SLC1A2: variants seen among roughly 807,000 people sequenced by gnomAD.
SLC1A2 encodes the protein excitatory amino acid transporter 2.
Under a neutral mutation model 48.8 loss-of-function variants are expected in SLC1A2, and 15 were observed. The ratio of observed to expected loss-of-function variants is 0.31; its 90% confidence interval spans 0.21 to 0.47. SLC1A2 has a LOEUF of 0.47. Among genes scored for constraint, SLC1A2 ranks in the 20% least tolerant of loss-of-function variants. SLC1A2 has a pLI of 0.99. For synonymous variants in SLC1A2, 279 were observed against 272.6 expected (o/e 1.02, Z -0.23); for missense variants, 502 against 730.5 (o/e 0.69, Z 3.61).
chr11:35,351,500 A>G (rs1310685123), intron 1 of SLC1A2, among the ~76,000 whole-genome samples: 2 of 152,224 alleles, frequency 1.3e-5, no homozygotes, highest in Non-Finnish European at 2.9e-5. Flanking sequence ...TATAAGCTAA[A>G]AACAGTCTGG....
intron 1 of SLC1A2, among the ~76,000 whole-genome samples, chr11:35,399,292 C>T (rs576737855): frequency 1.8e-4 from 27 of 152,228 alleles, no homozygotes; most frequent in African/African-American, 5.8e-4. Flanking sequence ...CCTGCAACTG[C>T]CTCCTAAGGC....
intron 1 of SLC1A2, among the ~76,000 whole-genome samples, chr11:35,325,979 A>AC (rs1447502315): frequency 8.5e-6 from 1 of 117,924 alleles, no homozygotes; most frequent in Non-Finnish European, 1.7e-5. Context: ...AAAAAAAAAA[A>AC]AAAAAAGGAG....
chr11:35,281,115 C>A, intron 8 of SLC1A2, 114 bp from the exon 9 acceptor site: 1 of 1,373,802 alleles, frequency 7.3e-7, no homozygotes. Context: ...CCCCAACCCC[C>A]ACCCCATACT....
At chr11:35,377,075 C>G (rs1336237149) in intron 1 of SLC1A2, among the ~76,000 whole-genome samples, 7 of 152,218 alleles carry the variant, frequency 4.6e-5, no homozygotes, top group Admixed American at 3.3e-4. Flanking sequence ...GTATGTCCCC[C>G]CTTCCAATGT....
At chr11:35,407,341 A>G (rs762681642) in intron 1 of SLC1A2, among the ~76,000 whole-genome samples, 1 of 152,172 alleles carries the variant, frequency 6.6e-6, no homozygotes, top group Non-Finnish European at 1.5e-5. Flanking sequence ...AAAGTGAGCA[A>G]TGAATTAGCC....
chr11:35,361,576 A>G (rs1853681750), intron 1 of SLC1A2, among the ~76,000 whole-genome samples: 1 of 152,078 alleles, frequency 6.6e-6, no homozygotes, highest in Admixed American at 6.5e-5. Flanking sequence ...AATCTCCCAT[A>G]TCATGGCAAT....
intron 9 of SLC1A2, among the ~76,000 whole-genome samples, chr11:35,277,075 C>G (rs143686111): frequency 2.0e-5 from 3 of 152,166 alleles, no homozygotes; most frequent in Non-Finnish European, 4.4e-5. Context: ...ATGCACCAAC[C>G]CCACTCATGA....
chr11:35,414,182 C>T (rs767582393), intron 1 of SLC1A2, among the ~76,000 whole-genome samples: 6 of 152,184 alleles, frequency 3.9e-5, no homozygotes, highest in Non-Finnish European at 7.4e-5. Context: ...CTAAGTGAGA[C>T]ATTAAATACA....
chr11:35,417,068 A>T (rs1038603054), intron 1 of SLC1A2, among the ~76,000 whole-genome samples: 3 of 152,240 alleles, frequency 2.0e-5, no homozygotes, highest in African/African-American at 7.2e-5. Context: ...ACTGCTGTTA[A>T]ATAATAATGG....
intron 1 of SLC1A2, among the ~76,000 whole-genome samples, chr11:35,374,996 T>A (rs936862700): frequency 2.0e-5 from 3 of 152,206 alleles, no homozygotes; most frequent in African/African-American, 7.2e-5. Flanking sequence ...TTACCATAGT[T>A]TAATTGATAC....
intron 1 of SLC1A2, among the ~76,000 whole-genome samples, chr11:35,346,959 A>T (rs574710621): frequency 5.9e-5 from 9 of 152,368 alleles, no homozygotes; most frequent in African/African-American, 1.9e-4. Flanking sequence ...GACTGGAAAG[A>T]TAAATAGGGT....
chr11:35,404,945 T>A (rs964918553), intron 1 of SLC1A2, among the ~76,000 whole-genome samples: 4 of 151,980 alleles, frequency 2.6e-5, no homozygotes, highest in Non-Finnish European at 4.4e-5. Context: ...TGGCTCTGAA[T>A]CTAGGAGGAT....
chr11:35,420,261 C>T (rs1163222712), upstream of SLC1A2, among the ~76,000 whole-genome samples: 1 of 151,166 alleles, frequency 6.6e-6, no homozygotes, highest in Non-Finnish European at 1.5e-5. Flanking sequence ...CTGCTCGCCG[C>T]CTGCTTCCGT....
At chr11:35,351,964 G>A (rs999056301) in intron 1 of SLC1A2, among the ~76,000 whole-genome samples, 8 of 152,110 alleles carry the variant, frequency 5.3e-5, no homozygotes, top group Admixed American at 2.6e-4. Context: ...ATTGTACATT[G>A]CATCGAGAAA....
intron 1 of SLC1A2, among the ~76,000 whole-genome samples, chr11:35,376,832 T>C (rs913080533): frequency 6.6e-6 from 1 of 152,194 alleles, no homozygotes; most frequent in Non-Finnish European, 1.5e-5. Flanking sequence ...CATCTCCCCC[T>C]CTCTTTGACT....
At chr11:35,365,560 C>T (rs928931873) in intron 1 of SLC1A2, among the ~76,000 whole-genome samples, 4 of 151,186 alleles carry the variant, frequency 2.6e-5, no homozygotes, top group African/African-American at 7.3e-5. Flanking sequence ...ATCACTCATC[C>T]GAAAAACTCC....
At position 35,298,043 on chromosome 11, in the gene SLC1A2, A is replaced by T. The variant is rs1851224836; in HGVS notation, c.857+3476T>A. 3 of 152,230 alleles carry T rather than the reference A, an allele frequency of 2.0e-5. No homozygotes were observed. The South Asian group carries it at 6.2e-4, about 31-fold the overall frequency. 9.4% of individuals were successfully genotyped at this position (152,230 alleles called of 1,614,324 possible). Reference sequence around the variant, plus strand: ...AAGTCAAAAAGAAATTGATGTAGGTATCACTTCCGTACAGCTCCATAACAC... The same window carrying T: ...AAGTCAAAAAGAAATTGATGTAGGTTTCACTTCCGTACAGCTCCATAACAC... On this transcript the variant is annotated intron_variant, in intron 6 of 10. Transcript: ENST00000278379.
chr11:35,322,728 G>C, intron 1 of SLC1A2: 1 of 1,021,220 alleles, frequency 9.8e-7, no homozygotes, highest in African/African-American at 1.6e-5. Context: ...TCTCCCGTAA[G>C]ACAGTTGTTG....
intron 1 of SLC1A2, among the ~76,000 whole-genome samples, chr11:35,346,300 G>A (rs1853031303): frequency 6.6e-6 from 1 of 152,172 alleles, no homozygotes; most frequent in Non-Finnish European, 1.5e-5. Context: ...GTCAAGCATA[G>A]AGCAGGGACT....
Sources: allele counts gnomAD v4.1 joint callset (sites outside exome capture counted in the v4.1 genomes callset), GRCh38; gene constraint gnomAD v4.1.1; transcripts MANE v1.5; gene names NCBI Gene and HGNC (gene_info 2026-07-23, HGNC 2026-07-21).